CNKSR2: variants seen among roughly 807,000 people sequenced by gnomAD.
CNKSR2 encodes CNK homolog protein 2.
In CNKSR2, 14 loss-of-function variants were observed where a neutral mutation model predicts 84.4. The ratio of observed to expected loss-of-function variants is 0.17; its 90% CI spans 0.11 to 0.26. CNKSR2 has a LOEUF of 0.26. Ranked by LOEUF, CNKSR2 falls within the 10% of genes least tolerant of loss-of-function variation. The pLI is 1.00. For missense variants in CNKSR2, 485 were observed against 771.2 expected (o/e 0.63, Z 4.40); for synonymous variants, 275 against 277.9 (o/e 0.99, Z 0.10).
chrX:21,521,056 C>A (rs1319238191), intron 9 of CNKSR2, among the ~76,000 whole-genome samples: 1 of 109,597 alleles, frequency 9.1e-6, no homozygotes, highest in Admixed American at 9.8e-5. Flanking sequence ...CATTTGATTT[C>A]ATATACATAG....
intron 1 of CNKSR2, among the ~76,000 whole-genome samples, chrX:21,383,200 A>T (rs2089923254): frequency 8.9e-6 from 1 of 112,632 alleles, no homozygotes; most frequent in African/African-American, 3.2e-5. Flanking sequence ...CAACTATTCT[A>T]CAAGATGGAA....
chrX:21,623,680 G>A (rs1259795622), intron 20 of CNKSR2, among the ~76,000 whole-genome samples: 2 of 111,294 alleles, frequency 1.8e-5, no homozygotes, highest in East Asian at 2.8e-4. Flanking sequence ...GAGCTTATAC[G>A]TATTAAACAA....
chrX:21,420,203 C>A (rs1160493922), intron 1 of CNKSR2, among the ~76,000 whole-genome samples: 1 of 112,575 alleles, frequency 8.9e-6, no homozygotes, highest in East Asian at 2.8e-4. Flanking sequence ...TAAGTAGTGC[C>A]AAACTACCAC....
intron 11 of CNKSR2, among the ~76,000 whole-genome samples, chrX:21,555,914 A>G (rs1236452187): frequency 9.0e-6 from 1 of 110,970 alleles, no homozygotes; most frequent in South Asian, 3.8e-4. Context: ...AAAGGCAGCA[A>G]TTCAGTGGTG....
chrX:21,533,109 C>T (rs1026041577), intron 11 of CNKSR2, among the ~76,000 whole-genome samples: 2 of 110,716 alleles, frequency 1.8e-5, no homozygotes, highest in Admixed American at 9.6e-5. Flanking sequence ...CTTATCTTAC[C>T]TTGTGTTATT....
rs766942311 is a variant in CNKSR2, at chrX:21,619,837, T to A, written c.2692+10220T>A. Among the ~76,000 whole-genome samples, 174 of 110,496 alleles carry A rather than the reference T, an allele frequency of 1.6e-3. 1 individual carries two copies. The highest frequency in any genetic ancestry group is 4.9e-3 in the African/African-American group (148 of 30,442). ...TGTTCTTTAGCAATGCCAACACACA[T>A]GGGTTCACATGCCTTTTCTTAAAAA... On this transcript the variant is annotated intron_variant, in intron 20 of 21. Coordinates refer to ENST00000379510, the MANE Select transcript of CNKSR2 (RefSeq NM_014927.5).
intron 20 of CNKSR2, among the ~76,000 whole-genome samples, chrX:21,641,189 A>G (rs2092690334): frequency 8.9e-6 from 1 of 112,421 alleles, no homozygotes; most frequent in Admixed American, 9.5e-5. Context: ...TATATGGAGA[A>G]TATTTTAACA....
At chrX:21,421,507 A>G (rs1418362371) in intron 1 of CNKSR2, among the ~76,000 whole-genome samples, 2 of 109,306 alleles carry the variant, frequency 1.8e-5, no homozygotes, top group African/African-American at 6.7e-5. Flanking sequence ...TTCTTTATCT[A>G]CTTATACATC....
At chrX:21,507,990 TTAA>T (rs1442227863) in intron 8 of CNKSR2, among the ~76,000 whole-genome samples, 1 of 111,951 alleles carries the variant, frequency 8.9e-6, no homozygotes. Context: ...ATTTAATAAC[TTAA>T]TAACCCATGT....
At chrX:21,413,049 A>T (rs1477099207) in intron 1 of CNKSR2, among the ~76,000 whole-genome samples, 1 of 111,210 alleles carries the variant, frequency 9.0e-6, no homozygotes, top group African/African-American at 3.3e-5. Context: ...TTACTCATTA[A>T]ACAACAATCC....
chrX:21,546,284 A>G (rs1409692310), intron 11 of CNKSR2, among the ~76,000 whole-genome samples: 1 of 108,884 alleles, frequency 9.2e-6, no homozygotes, highest in Non-Finnish European at 1.9e-5. Context: ...ATACACAAGT[A>G]TCAGTAGCAG....
chrX:21,652,612 A>G lies in CNKSR2; in HGVS notation c.*91A>G. On this transcript the variant is annotated 3_prime_UTR_variant, in exon 22 of 22. Coordinates refer to ENST00000379510, the MANE Select transcript of CNKSR2 (RefSeq NM_014927.5). ...TATATCAATGTGTGGAACACTTGAC[A>G]AGCTATACTTTAATGTTACCAAACT... 1.5e-6 allele frequency: 1 copy of G among 654,361 alleles called. No individual in the cohort carries two copies. The highest frequency in any genetic ancestry group is 2.7e-5 in the Admixed American group (1 of 36,395). The allele number at this position is 654,361 out of a possible 1,213,427, so 53.9% of individuals were successfully genotyped here.
intron 9 of CNKSR2, among the ~76,000 whole-genome samples, chrX:21,521,878 G>T (rs2147105815): frequency 9.0e-6 from 1 of 110,647 alleles, no homozygotes; most frequent in Admixed American, 9.7e-5. Flanking sequence ...TTGCATTCTA[G>T]AAAAAGCTGT....
At chrX:21,534,951 G>A (rs2091914601) in intron 11 of CNKSR2, among the ~76,000 whole-genome samples, 1 of 109,789 alleles carries the variant, frequency 9.1e-6, no homozygotes, top group Non-Finnish European at 1.9e-5. Context: ...AAAAATATTT[G>A]CCTAGACCAA....
At chrX:21,560,727 T>C (rs190089196) in intron 11 of CNKSR2, among the ~76,000 whole-genome samples, 2 of 111,521 alleles carry the variant, frequency 1.8e-5, no homozygotes, top group African/African-American at 6.5e-5. Flanking sequence ...AGAAATAATA[T>C]ACTGCAGCCT....
chrX:21,510,938 C>G (rs999114480), intron 8 of CNKSR2, among the ~76,000 whole-genome samples: 2 of 111,339 alleles, frequency 1.8e-5, no homozygotes, highest in Non-Finnish European at 3.8e-5. Context: ...AACATTATAG[C>G]TAATAATAAG....
At chrX:21,425,227 A>C (rs1414298928) in intron 1 of CNKSR2, 1 of 112,010 alleles carries the variant, frequency 8.9e-6, no homozygotes, top group Admixed American at 9.4e-5. Context: ...TCACTGTGAA[A>C]ACAACTCTCA....
intron 4 of CNKSR2, among the ~76,000 whole-genome samples, chrX:21,450,408 CTG>C (rs1421950471): frequency 9.0e-6 from 1 of 111,208 alleles, no homozygotes; most frequent in Non-Finnish European, 1.9e-5. Flanking sequence ...GCGGACATAA[CTG>C]GCGCTTTTTC....
At chrX:21,495,419 G>A (rs1039808481) in intron 6 of CNKSR2, 1 of 111,258 alleles carries the variant, frequency 9.0e-6, no homozygotes, top group African/African-American at 3.3e-5. Context: ...TAATTATTTT[G>A]TGTGTCCGAA....
Sources: allele counts gnomAD v4.1 joint callset (sites outside exome capture counted in the v4.1 genomes callset), GRCh38; gene constraint gnomAD v4.1.1; transcripts MANE v1.5; gene names NCBI Gene and HGNC (gene_info 2026-07-23, HGNC 2026-07-21).